Variants in ADAMTSL1 observed in about 807,000 individuals in gnomAD.
ADAMTSL1 encodes ADAMTS-like protein 1.
Under a neutral mutation model 201.8 loss-of-function variants are expected in ADAMTSL1, and 126 were observed. The ratio of observed to expected loss-of-function variants is 0.62; its 90% CI spans 0.54 to 0.72. The LOEUF (loss-of-function observed/expected upper bound fraction) is 0.72, where lower values mean the gene tolerates loss of function less well. Among genes scored for constraint, ADAMTSL1 ranks in the 30% least tolerant of loss-of-function variants. The pLI is 0.00. For missense variants in ADAMTSL1, 2,679 were observed against 2,277.8 expected (o/e 1.18, Z -3.59); for synonymous variants, 1,121 against 903.4 (o/e 1.24, Z -4.32).
At chr9:18,523,010 C>T (rs1818799283) in intron 2 of ADAMTSL1, among the ~76,000 whole-genome samples, 2 of 152,124 alleles carry the variant, frequency 1.3e-5, no homozygotes, top group South Asian at 2.1e-4. Context: ...CTTGAGGAAT[C>T]GCCACACTGT....
At chr9:18,025,198 A>T (rs1311107731) in intron 1 of ADAMTSL1, among the ~76,000 whole-genome samples, 1 of 151,942 alleles carries the variant, frequency 6.6e-6, no homozygotes, top group Non-Finnish European at 1.5e-5. Context: ...TACTTCTCCC[A>T]TTTAGTAGGT....
intron 9 of ADAMTSL1, among the ~76,000 whole-genome samples, chr9:18,668,473 T>C (rs1186521753): frequency 6.6e-6 from 1 of 152,204 alleles, no homozygotes; most frequent in African/African-American, 2.4e-5. Flanking sequence ...TTTAAAGTTT[T>C]TTAAAGTGTA....
chr9:17,926,445 G>A lies in ADAMTSL1; in HGVS notation c.87+19523G>A, dbSNP rs531139471. On this transcript the variant is annotated intron_variant, in intron 1 of 29. Transcript: ENST00000680146. ...GTCAGGAACGCTTGGCTCACTGGGC[G>A]TACTCAGGAATCCATGCTGACGGCA... Among the ~76,000 whole-genome samples, 6 of 151,480 alleles carry A rather than the reference G, an allele frequency of 4.0e-5. No individual in the cohort carries two copies. The South Asian group carries it at 6.3e-4, about 16-fold the overall frequency.
intron 2 of ADAMTSL1, among the ~76,000 whole-genome samples, chr9:18,280,720 A>T (rs4512483): frequency 2.0e-5 from 3 of 152,204 alleles, no homozygotes; most frequent in Non-Finnish European, 4.4e-5. Context: ...TTACGTAGAA[A>T]TATAAGTGAC....
intron 19 of ADAMTSL1, among the ~76,000 whole-genome samples, chr9:18,786,315 G>C (rs540373880): frequency 6.6e-6 from 1 of 152,152 alleles, no homozygotes; most frequent in Non-Finnish European, 1.5e-5. Context: ...CCTTCAGCCA[G>C]AGGAGCAACC....
At chr9:18,862,739 C>G (rs988699953) in intron 23 of ADAMTSL1, among the ~76,000 whole-genome samples, 2 of 152,140 alleles carry the variant, frequency 1.3e-5, no homozygotes, top group African/African-American at 4.8e-5. Context: ...GAAATTACTT[C>G]CTTAGCTCCA....
intron 2 of ADAMTSL1, among the ~76,000 whole-genome samples, chr9:18,324,657 G>T (rs1023670755): frequency 1.7e-4 from 26 of 151,906 alleles, no homozygotes; most frequent in Middle Eastern, 3.4e-3. Flanking sequence ...CCAGCTACTA[G>T]GGAGGCTGAG....
intron 1 of ADAMTSL1, among the ~76,000 whole-genome samples, chr9:18,088,234 C>G (rs148724068): frequency 6.6e-6 from 1 of 152,052 alleles, no homozygotes; most frequent in Non-Finnish European, 1.5e-5. Flanking sequence ...TCTTCATATA[C>G]AAAAATCAAC....
chr9:18,106,020 A>G (rs1171929082), intron 1 of ADAMTSL1, among the ~76,000 whole-genome samples: 2 of 152,200 alleles, frequency 1.3e-5, no homozygotes, highest in African/African-American at 2.4e-5. Context: ...GATGTTTCTT[A>G]TCTTTGAATT....
rs1466410558 is a variant in ADAMTSL1 at position 17,909,651 on chromosome 9, C to A, written c.87+2729C>A. Among the ~76,000 whole-genome samples, 2 of 67,492 alleles carry A rather than the reference C, an allele frequency of 3.0e-5. 1 individual carries two copies. The highest frequency in any genetic ancestry group is 9.0e-5 in the Non-Finnish European group (2 of 22,236). 44.3% of individuals were successfully genotyped at this position (67,492 alleles called of 152,430 possible). ...TATACACCATGGAATACTATGCAGC[C>A]ATAAAAAATGATGAGTTCATGTCCT... On this transcript the variant is annotated intron_variant, in intron 1 of 29. Coordinates refer to the ADAMTSL1 transcript ENST00000680146.
At chr9:18,321,297 A>G (rs1199351610) in intron 2 of ADAMTSL1, among the ~76,000 whole-genome samples, 1 of 152,244 alleles carries the variant, frequency 6.6e-6, no homozygotes, top group African/African-American at 2.4e-5. Context: ...AAATTTAACA[A>G]TGTAGAGAGC....
At chr9:18,900,689 C>G (rs955149161) in intron 26 of ADAMTSL1, among the ~76,000 whole-genome samples, 1 of 146,392 alleles carries the variant, frequency 6.8e-6, no homozygotes, top group South Asian at 2.2e-4. Flanking sequence ...AACCAAACAC[C>G]GTATATTTCC....
chr9:18,719,346 T>G (rs12346293), intron 14 of ADAMTSL1, among the ~76,000 whole-genome samples: 1 of 152,232 alleles, frequency 6.6e-6, no homozygotes, highest in Non-Finnish European at 1.5e-5. Context: ...TTTATTTTTA[T>G]TTTTATTAAT....
chr9:17,988,032 A>G (rs1490225357), intron 1 of ADAMTSL1, among the ~76,000 whole-genome samples: 1 of 152,012 alleles, frequency 6.6e-6, no homozygotes, highest in Non-Finnish European at 1.5e-5. Flanking sequence ...CTCTTAATTT[A>G]GTTCTGTGAT....
intron 15 of ADAMTSL1, among the ~76,000 whole-genome samples, chr9:18,730,863 A>G (rs1300179130): frequency 6.6e-6 from 1 of 152,192 alleles, no homozygotes; most frequent in Non-Finnish European, 1.5e-5. Flanking sequence ...CACTGAGTGG[A>G]TAGACACAGA....
At chr9:18,856,977 C>A (rs1040279978) in intron 23 of ADAMTSL1, among the ~76,000 whole-genome samples, 17 of 152,114 alleles carry the variant, frequency 1.1e-4, no homozygotes, top group Admixed American at 3.3e-4. Flanking sequence ...TCGGCAATTT[C>A]ACCTTGGATG....
intron 2 of ADAMTSL1, among the ~76,000 whole-genome samples, chr9:18,261,554 G>A (rs1361284267): frequency 2.6e-5 from 4 of 152,124 alleles, no homozygotes; most frequent in African/African-American, 9.7e-5. Context: ...CTGCACATAT[G>A]TTTTTCAAGT....
chr9:17,954,426 G>A (rs934178337), intron 1 of ADAMTSL1, among the ~76,000 whole-genome samples: 1 of 152,158 alleles, frequency 6.6e-6, no homozygotes, highest in African/African-American at 2.4e-5. Context: ...TATATAAGAA[G>A]TTTGTTATTA....
At chr9:18,735,776 G>A (rs1818469556) in intron 15 of ADAMTSL1, among the ~76,000 whole-genome samples, 1 of 133,352 alleles carries the variant, frequency 7.5e-6, no homozygotes, top group East Asian at 2.1e-4. Context: ...TTTGAGACAA[G>A]GTCTTGCTCT....
Sources: allele counts gnomAD v4.1 joint callset (sites outside exome capture counted in the v4.1 genomes callset), GRCh38; gene constraint gnomAD v4.1.1; transcripts MANE v1.5; gene names NCBI Gene and HGNC (gene_info 2026-07-23, HGNC 2026-07-21).